Variants in CSMD1 observed in about 807,000 individuals in gnomAD.
CSMD1 encodes the protein CUB and sushi domain-containing protein 1.
In CSMD1, 213 loss-of-function variants were observed where a neutral mutation model predicts 417.5. That is an observed-to-expected ratio of 0.51 (90% CI 0.46 to 0.57). CSMD1 has a LOEUF of 0.57. Among genes scored for constraint, CSMD1 ranks in the 20% least tolerant of loss-of-function variants. CSMD1 has a pLI of 0.00. For synonymous variants in CSMD1, 2,862 were observed against 1,736.8 expected (o/e 1.65, Z -16.11); for missense variants, 6,923 against 4,529.7 (o/e 1.53, Z -15.17).
At chr8:4,368,678 T>C (rs1407380027) in intron 3 of CSMD1, among the ~76,000 whole-genome samples, 1 of 152,154 alleles carries the variant, frequency 6.6e-6, no homozygotes. Context: ...TTTAATTTCT[T>C]CCTGGCTTAA....
At chr8:3,567,003 T>A (rs578109759) in intron 10 of CSMD1, among the ~76,000 whole-genome samples, 10 of 152,258 alleles carry the variant, frequency 6.6e-5, no homozygotes, top group African/African-American at 2.4e-4. Flanking sequence ...CTATTGACAA[T>A]AGAAAATACA....
At chr8:4,628,620 AT>A (rs1169687135) in intron 2 of CSMD1, among the ~76,000 whole-genome samples, 1 of 150,992 alleles carries the variant, frequency 6.6e-6, no homozygotes, top group East Asian at 1.9e-4. Context: ...GTTAAAAAAA[AT>A]GCTCTCCTCA....
In CSMD1 at chr8:3,544,228, CA is replaced by C. The variant is rs1365075255; in HGVS notation, c.1344+30716del. 1.7e-4 allele frequency among the ~76,000 whole-genome samples: 26 copies of C among 151,960 alleles called. 1 individual carries two copies. The highest frequency in any genetic ancestry group is 1.6e-3 in the Admixed American group (25 of 15,260). ...ATTGATAACGTTTACTAAACAGACC[CA>C]AAATTAAAAGTGCCCCGACATCCTG... On this transcript the variant is annotated intron_variant, in intron 10 of 69. Transcript: ENST00000635120.
intron 7 of CSMD1, among the ~76,000 whole-genome samples, chr8:3,676,291 C>G (rs919543357): frequency 3.3e-5 from 5 of 152,112 alleles, no homozygotes; most frequent in Admixed American, 2.0e-4. Context: ...CTCTGTGGCC[C>G]TGGGGCAAGT....
intron 7 of CSMD1, among the ~76,000 whole-genome samples, chr8:3,643,061 G>C (rs551741079): frequency 6.6e-6 from 1 of 152,204 alleles, no homozygotes; most frequent in African/African-American, 2.4e-5. Context: ...GCATGTGAGT[G>C]TCGACGGCAC....
chr8:3,226,466 C>G (rs998317377), intron 27 of CSMD1, among the ~76,000 whole-genome samples: 1 of 151,678 alleles, frequency 6.6e-6, no homozygotes, highest in Non-Finnish European at 1.5e-5. Flanking sequence ...ACCTATAATC[C>G]TAGCTACTCA....
intron 12 of CSMD1, among the ~76,000 whole-genome samples, chr8:3,465,119 G>T (rs1014400017): frequency 6.6e-6 from 1 of 152,088 alleles, no homozygotes; most frequent in Non-Finnish European, 1.5e-5. Flanking sequence ...TCTGTGAATT[G>T]TTCTTCTGTG....
At chr8:4,242,196 T>C (rs942270632) in intron 3 of CSMD1, among the ~76,000 whole-genome samples, 1 of 152,180 alleles carries the variant, frequency 6.6e-6, no homozygotes, top group Non-Finnish European at 1.5e-5. Flanking sequence ...AAACTTTAAA[T>C]AAAAGAATTG....
Position 4,242,760 on chromosome 8 carries a change from C to T in CSMD1, c.415+177193G>A, listed in dbSNP as rs150803463. Among the ~76,000 whole-genome samples, 911 of 152,272 alleles carry T rather than the reference C, an allele frequency of 6.0e-3. 12 individuals are homozygous for T. The highest frequency in any genetic ancestry group is 0.021 in the African/African-American group (867 of 41,556). ...CCTGCAGGGCACAATCTGAACATCC[C>T]TGGATGGAAAGATGGTAATTTATTC... On this transcript the variant is annotated intron_variant, in intron 3 of 69. Coordinates refer to ENST00000635120, the MANE Select transcript of CSMD1 (RefSeq NM_033225.6).
At position 3,278,527 on chromosome 8, in the gene CSMD1, G is replaced by T. The variant is rs901401115; in HGVS notation, c.4153+5617C>A. 4 of 152,124 alleles carry T rather than the reference G, an allele frequency of 2.6e-5. No individual in the cohort carries two copies. The East Asian group carries it at 7.7e-4, about 29-fold the overall frequency. 9.4% of individuals were successfully genotyped at this position (152,124 alleles called of 1,614,324 possible). Reference sequence around the variant, plus strand: ...CACACTTAAAACATCAATCATATGAGGAAAACATTTCTTTTTGAGTTCTAT... The same window carrying T: ...CACACTTAAAACATCAATCATATGATGAAAACATTTCTTTTTGAGTTCTAT... On this transcript the variant is annotated intron_variant, in intron 26 of 69. Coordinates refer to ENST00000635120, the MANE Select transcript of CSMD1 (RefSeq NM_033225.6).
chr8:4,970,117 A>G (rs1810146807), intron 1 of CSMD1, among the ~76,000 whole-genome samples: 1 of 151,096 alleles, frequency 6.6e-6, no homozygotes, highest in African/African-American at 2.5e-5. Context: ...AATTGTATGT[A>G]AAAATTCTAT....
intron 7 of CSMD1, among the ~76,000 whole-genome samples, chr8:3,633,601 G>C (rs1262414249): frequency 2.6e-5 from 4 of 152,222 alleles, no homozygotes; most frequent in South Asian, 2.1e-4. Flanking sequence ...ATCTTAATTT[G>C]AAAGGATAAA....
At chr8:3,946,723 T>G (rs1396226596) in intron 5 of CSMD1, among the ~76,000 whole-genome samples, 1 of 152,188 alleles carries the variant, frequency 6.6e-6, no homozygotes, top group Non-Finnish European at 1.5e-5. Flanking sequence ...CATATTTTGT[T>G]AGGTCTTTAG....
intron 1 of CSMD1, among the ~76,000 whole-genome samples, chr8:4,696,264 G>A (rs746796023): frequency 4.6e-5 from 7 of 152,146 alleles, no homozygotes; most frequent in Non-Finnish European, 7.4e-5. Flanking sequence ...TTCAATAGTT[G>A]CAGAAAATCA....
At chr8:4,025,013 G>T (rs1171297039) in intron 4 of CSMD1, among the ~76,000 whole-genome samples, 1 of 152,208 alleles carries the variant, frequency 6.6e-6, no homozygotes, top group Non-Finnish European at 1.5e-5. Flanking sequence ...TGATGCCTTG[G>T]TGATTACATA....
At chr8:3,141,934 A>C (rs1026779626) in intron 41 of CSMD1, among the ~76,000 whole-genome samples, 1 of 151,434 alleles carries the variant, frequency 6.6e-6, no homozygotes, top group Non-Finnish European at 1.5e-5. Context: ...AGTAGCTGGG[A>C]CTACAGGCGC....
intron 1 of CSMD1, among the ~76,000 whole-genome samples, chr8:4,674,528 G>C (rs115320815): frequency 2.6e-4 from 39 of 152,264 alleles, no homozygotes; most frequent in African/African-American, 7.7e-4. Context: ...ATCAGCAGGA[G>C]AGGAGCAACT....
chr8:3,596,863 T>G (rs960738574), intron 8 of CSMD1, among the ~76,000 whole-genome samples: 2 of 152,178 alleles, frequency 1.3e-5, no homozygotes, highest in African/African-American at 2.4e-5. Context: ...CTAAAAGATG[T>G]GAATATACTT....
At chr8:3,268,440 C>T (rs1462133501) in intron 26 of CSMD1, among the ~76,000 whole-genome samples, 1 of 151,774 alleles carries the variant, frequency 6.6e-6, no homozygotes, top group Non-Finnish European at 1.5e-5. Flanking sequence ...AGGTGCCCGC[C>T]ACCACGCCCA....
Sources: gnomAD v4.1 joint callset for allele counts (sites outside exome capture counted in the v4.1 genomes callset) on GRCh38, gnomAD v4.1.1 for gene constraint, MANE v1.5 for transcripts, NCBI Gene and HGNC (gene_info 2026-07-23, HGNC 2026-07-21) for gene names.